Variants in PCDH9 observed in about 807,000 individuals in gnomAD.
PCDH9 encodes the protein protocadherin-9.
Under a neutral mutation model 70.6 loss-of-function variants are expected in PCDH9, and 24 were observed. The observed-to-expected ratio is 0.34, with a 90% CI of 0.25 to 0.48. The LOEUF (loss-of-function observed/expected upper bound fraction) is 0.48. Among genes scored for constraint, PCDH9 ranks in the 20% least tolerant of loss-of-function variants. The probability of loss-of-function intolerance (pLI) is 0.99; values close to 1 mark genes in which losing one functional copy is unlikely to be tolerated. For synonymous variants in PCDH9, 562 were observed against 558.5 expected, an observed-to-expected ratio of 1.01 and a Z score of -0.09; for missense variants, 1,281 against 1,503.6, an observed-to-expected ratio of 0.85 and a Z score of 2.45.
At chr13:66,739,584 A>G (rs1016176516) in intron 3 of PCDH9, among the ~76,000 whole-genome samples, 2 of 148,206 alleles carry the variant, frequency 1.3e-5, no homozygotes, top group African/African-American at 4.9e-5. Flanking sequence ...AGTGTGCTGT[A>G]TTCAGGAATC....
At chr13:66,980,730 G>GTTTTTTTTTTTTTTCTTTTTT in intron 2 of PCDH9, among the ~76,000 whole-genome samples, 1 of 70,872 alleles carries the variant, frequency 1.4e-5, no homozygotes, top group East Asian at 3.9e-4. Context: ...TTTTTTCTTT[G>GTTTTTTTTTTTTTTCTTTTTT]TTTTTTTTTT....
At chr13:66,943,581 A>G (rs9317626) in intron 2 of PCDH9, among the ~76,000 whole-genome samples, 145,746 of 152,092 alleles carry the variant, frequency 0.96, 69,881 homozygotes, top group Middle Eastern at 1. Context: ...ATTACTCTAC[A>G]TTTTGAAAAC....
intron 3 of PCDH9, among the ~76,000 whole-genome samples, chr13:66,887,098 C>G (rs2082018956): frequency 1.3e-5 from 2 of 149,296 alleles, no homozygotes; most frequent in African/African-American, 4.9e-5. Flanking sequence ...CTAGACAATT[C>G]ATTAAATTAT....
chr13:66,642,705 A>G (rs889313325), intron 3 of PCDH9, among the ~76,000 whole-genome samples: 1 of 152,044 alleles, frequency 6.6e-6, no homozygotes, highest in African/African-American at 2.4e-5. Flanking sequence ...TTTTAAAAAA[A>G]GAAATCATAA....
intron 4 of PCDH9, among the ~76,000 whole-genome samples, chr13:66,463,658 T>G (rs1434846133): frequency 1.3e-5 from 2 of 151,768 alleles, no homozygotes; most frequent in Non-Finnish European, 3.0e-5. Flanking sequence ...TGGACCACAC[T>G]TTGAGGAGCA....
intron 3 of PCDH9, among the ~76,000 whole-genome samples, chr13:66,643,179 A>T (rs966431788): frequency 6.6e-6 from 1 of 152,062 alleles, no homozygotes; most frequent in Non-Finnish European, 1.5e-5. Context: ...AACACTGATG[A>T]CCTGATAAGC....
intron 4 of PCDH9, among the ~76,000 whole-genome samples, chr13:66,508,347 G>A (rs9529074): frequency 0.27 from 41,545 of 151,870 alleles, 5,745 homozygotes; most frequent in South Asian, 0.34. Flanking sequence ...TGGTGGTTGC[G>A]CAACATTGTT....
chr13:66,346,617 A>T (rs1354444431), intron 4 of PCDH9, among the ~76,000 whole-genome samples: 1 of 152,186 alleles, frequency 6.6e-6, no homozygotes. Context: ...TCTATGGCCT[A>T]TGGCTGGTAG....
intron 2 of PCDH9, among the ~76,000 whole-genome samples, chr13:67,098,613 A>G (rs150024557): frequency 2.0e-4 from 30 of 152,292 alleles, no homozygotes; most frequent in African/African-American, 6.7e-4. Flanking sequence ...TGAAATGGAG[A>G]AAATTTTTAT....
chr13:67,013,264 AACACAC>A (rs111347560), intron 2 of PCDH9, among the ~76,000 whole-genome samples: 28 of 144,490 alleles, frequency 1.9e-4, no homozygotes, highest in African/African-American at 5.6e-4. Flanking sequence ...TTTTTAATGT[AACACAC>A]ACACACACAC....
At chr13:66,773,154 A>C (rs1270033502) in intron 3 of PCDH9, among the ~76,000 whole-genome samples, 2 of 152,190 alleles carry the variant, frequency 1.3e-5, no homozygotes, top group African/African-American at 4.8e-5. Flanking sequence ...CACATCAAAG[A>C]CAAAAGAAAA....
chr13:66,793,567 A>G (rs2080194370), intron 3 of PCDH9, among the ~76,000 whole-genome samples: 1 of 152,148 alleles, frequency 6.6e-6, no homozygotes, highest in African/African-American at 2.4e-5. Flanking sequence ...TGACGTATTT[A>G]TTTATAACTA....
At chr13:67,089,636 A>G (rs1007385022) in intron 2 of PCDH9, among the ~76,000 whole-genome samples, 1 of 152,028 alleles carries the variant, frequency 6.6e-6, no homozygotes, top group African/African-American at 2.4e-5. Context: ...AGCTCCAGAA[A>G]TGTAAGTATT....
intron 4 of PCDH9, among the ~76,000 whole-genome samples, chr13:66,435,815 C>A (rs1201177056): frequency 6.6e-6 from 1 of 152,068 alleles, no homozygotes; most frequent in East Asian, 1.9e-4. Flanking sequence ...GATTTCATGG[C>A]TGCAGGCACA....
chr13:66,549,936 T>C (rs1267747126), intron 4 of PCDH9, among the ~76,000 whole-genome samples: 1 of 152,126 alleles, frequency 6.6e-6, no homozygotes, highest in Non-Finnish European at 1.5e-5. Flanking sequence ...CTATTTTTTT[T>C]CTTAAGATTC....
At chr13:67,225,094 G>C in intron 2 of PCDH9, 1 of 1,209,790 alleles carries the variant, frequency 8.3e-7, no homozygotes, top group Non-Finnish European at 1.0e-6. Context: ...GCAGAATTTG[G>C]CATATCAGGA....
chr13:66,605,491 T>G (rs1013308951), intron 4 of PCDH9, among the ~76,000 whole-genome samples: 1 of 152,098 alleles, frequency 6.6e-6, no homozygotes, highest in African/African-American at 2.4e-5. Flanking sequence ...AAACATGATT[T>G]TTATAAGCAG....
At chr13:66,587,698 G>A (rs528670326) in intron 4 of PCDH9, among the ~76,000 whole-genome samples, 38 of 151,894 alleles carry the variant, frequency 2.5e-4, no homozygotes, top group Admixed American at 4.6e-4. Context: ...TTCTAAGATC[G>A]TCAGAGGTAG....
intron 3 of PCDH9, among the ~76,000 whole-genome samples, chr13:66,729,670 G>A (rs756694916): frequency 1.3e-5 from 2 of 152,084 alleles, no homozygotes. Flanking sequence ...AGCTTACATT[G>A]CTATTGTTGC....
Sources: allele counts gnomAD v4.1 joint callset (sites outside exome capture counted in the v4.1 genomes callset), GRCh38; gene constraint gnomAD v4.1.1; transcripts MANE v1.5; gene names NCBI Gene and HGNC (gene_info 2026-07-23, HGNC 2026-07-21).